Variants in HERPUD2 observed in about 807,000 individuals in gnomAD.
HERPUD2 encodes the protein HERPUD family member 2.
Under a neutral mutation model 49.9 loss-of-function variants are expected in HERPUD2, and 13 were observed. That is an observed-to-expected ratio of 0.26 (90% CI 0.17 to 0.41). HERPUD2 has a LOEUF of 0.41. Among genes scored for constraint, HERPUD2 ranks in the 10% least tolerant of loss-of-function variants. The probability of loss-of-function intolerance (pLI) is 1.00; values close to 1 mark genes in which losing one functional copy is unlikely to be tolerated. For missense variants in HERPUD2, 449 were observed against 492.2 expected, an observed-to-expected ratio of 0.91 and a Z score of 0.83; for synonymous variants, 172 against 171.4, an observed-to-expected ratio of 1.00 and a Z score of -0.03.
chr7:35,648,806 A>C (rs1785103759), intron 5 of HERPUD2, among the ~76,000 whole-genome samples: 1 of 152,226 alleles, frequency 6.6e-6, no homozygotes, highest in African/African-American at 2.4e-5. Context: ...CCAGTGACTA[A>C]AAGATCTGTG....
chr7:35,659,506 A>G (rs910927550), intron 5 of HERPUD2, among the ~76,000 whole-genome samples: 3 of 152,226 alleles, frequency 2.0e-5, no homozygotes, highest in Non-Finnish European at 2.9e-5. Context: ...ACTATGTACC[A>G]GTTACTGTTT....
chr7:35,650,563 G>A (rs749077956), intron 5 of HERPUD2, among the ~76,000 whole-genome samples: 1 of 152,104 alleles, frequency 6.6e-6, no homozygotes, highest in Non-Finnish European at 1.5e-5. Context: ...AAGAACTCCG[G>A]TACCTCACAT....
chr7:35,674,878 A>T (rs1461616026), intron 2 of HERPUD2, among the ~76,000 whole-genome samples: 1 of 151,892 alleles, frequency 6.6e-6, no homozygotes, highest in Non-Finnish European at 1.5e-5. Flanking sequence ...TTCTCCAAGA[A>T]CTCGTCCTAT....
At chr7:35,674,379 CTATATA>C (rs1232272764) in intron 2 of HERPUD2, among the ~76,000 whole-genome samples, 21 of 42,970 alleles carry the variant, frequency 4.9e-4, no homozygotes, top group East Asian at 4.2e-3. Context: ...GTCTTACAAC[CTATATA>C]TATATATATA....
At chr7:35,655,912 G>A (rs1377467614) in intron 5 of HERPUD2, among the ~76,000 whole-genome samples, 1 of 152,208 alleles carries the variant, frequency 6.6e-6, no homozygotes. Context: ...TGTAATCCCA[G>A]CACTTTGGGA....
chr7:35,633,587 C>A lies in HERPUD2; in HGVS notation c.*103G>T. The A allele has an allele frequency of 1.0e-6, 1 of 997,046 alleles. No homozygotes were observed. The highest frequency in any genetic ancestry group is 1.5e-6 in the Non-Finnish European group (1 of 680,604). 61.8% of individuals were successfully genotyped at this position (997,046 alleles called of 1,614,324 possible). On this transcript the variant is annotated 3_prime_UTR_variant, in exon 9 of 9. Coordinates refer to ENST00000311350, the MANE Select transcript of HERPUD2 (RefSeq NM_022373.5). Reference sequence around the variant, plus strand: ...CCTAAAGAAAAAAAACACCTCTGTACATGATGATCAAAAGAAAGTTATAAA... The same window carrying A: ...CCTAAAGAAAAAAAACACCTCTGTAAATGATGATCAAAAGAAAGTTATAAA...
chr7:35,637,160 A>AAGAAAGATAGATAGAT (rs1554311472), intron 6 of HERPUD2, among the ~76,000 whole-genome samples: 246 of 144,176 alleles, frequency 1.7e-3, no homozygotes, highest in Non-Finnish European at 2.6e-3. Context: ...GAAAGAAAGA[A>AAGAAAGATAGATAGAT]AGATAGATAG....
chr7:35,651,672 G>GA (rs1785171653), intron 5 of HERPUD2, among the ~76,000 whole-genome samples: 1 of 151,662 alleles, frequency 6.6e-6, no homozygotes. Flanking sequence ...GAAGAAACAT[G>GA]AAAAAGCAAG....
chr7:35,649,123 C>T (rs866286721), intron 5 of HERPUD2, among the ~76,000 whole-genome samples: 8 of 151,892 alleles, frequency 5.3e-5, no homozygotes, highest in African/African-American at 1.9e-4. Flanking sequence ...TGGTGGCAGG[C>T]GCCTGTAGTC....
chr7:35,690,927 C>T (rs1786169361), intron 2 of HERPUD2, among the ~76,000 whole-genome samples: 1 of 152,174 alleles, frequency 6.6e-6, no homozygotes, highest in South Asian at 2.1e-4. Context: ...TTTCTTGAAA[C>T]AGCTACACAT....
At chr7:35,682,362 T>C (rs1257907721) in intron 2 of HERPUD2, among the ~76,000 whole-genome samples, 1 of 41,908 alleles carries the variant, frequency 2.4e-5, no homozygotes, top group Non-Finnish European at 5.8e-5. Flanking sequence ...TGTGTGTATA[T>C]ATATATATAT....
intron 5 of HERPUD2, among the ~76,000 whole-genome samples, chr7:35,647,578 A>G (rs1320700407): frequency 6.6e-6 from 1 of 152,094 alleles, no homozygotes; most frequent in Non-Finnish European, 1.5e-5. Context: ...TGACCAGAAA[A>G]AAGTTTTGAA....
chr7:35,642,356 T>C (rs1784979445), intron 5 of HERPUD2, among the ~76,000 whole-genome samples: 1 of 152,330 alleles, frequency 6.6e-6, no homozygotes, highest in Admixed American at 6.5e-5. Flanking sequence ...TCTACACTGT[T>C]GGTGGGAGTG....
At chr7:35,662,732 T>C (rs1282952459) in intron 5 of HERPUD2, among the ~76,000 whole-genome samples, 1 of 152,240 alleles carries the variant, frequency 6.6e-6, no homozygotes, top group Non-Finnish European at 1.5e-5. Flanking sequence ...TTTATCATTT[T>C]TTATTGTGTC....
At chr7:35,650,676 A>G (rs1476910953) in intron 5 of HERPUD2, among the ~76,000 whole-genome samples, 1 of 152,158 alleles carries the variant, frequency 6.6e-6, no homozygotes, top group Non-Finnish European at 1.5e-5. Context: ...GAACGGTGCT[A>G]CTGAGCATTT....
intron 2 of HERPUD2, among the ~76,000 whole-genome samples, chr7:35,680,536 G>C (rs2116009850): frequency 6.6e-6 from 1 of 152,244 alleles, no homozygotes; most frequent in East Asian, 1.9e-4. Flanking sequence ...TCTGGCTTCT[G>C]TCTCTCTCCA....
In HERPUD2 at chr7:35,635,304, G is replaced by C; in HGVS notation, c.772C>G (p.Gln258Glu). The C allele has an allele frequency of 6.2e-7, 1 of 1,614,096 alleles. No homozygotes were observed. Among genetic ancestry groups the C allele is most frequent in the South Asian group, 1.1e-5 (1 of 91,072 alleles). ...ACTGGACCTCCCTGTGCATTCATTT[G>C]AACATTCTCATTCATGGGTCGATTT... is the stretch of plus-strand genomic sequence containing the variant. ...QENRPMNENV[Q>E]MNAQGGPVLN... Residue 258 changes from glutamine to glutamate, a missense_variant, in exon 7 of 9, where the codon CAA (glutamine) becomes GAA (glutamate). Physicochemically the swap from Gln to Glu is conservative, Grantham distance 29. Coordinates refer to ENST00000311350, the MANE Select transcript of HERPUD2 (RefSeq NM_022373.5).
chr7:35,673,329 G>T, intron 2 of HERPUD2, 51 bp from the exon 3 acceptor site: 1 of 1,399,192 alleles, frequency 7.1e-7, no homozygotes, highest in South Asian at 1.2e-5. Context: ...TATGCAAATT[G>T]AAGGTTGGGA....
In HERPUD2 at chr7:35,673,212, T is replaced by C. The variant is rs376783164; in HGVS notation, c.214A>G (p.Ile72Val). Residue 72 changes from isoleucine (I) to valine (V), a missense_variant, in exon 3 of 9, where the codon ATT (isoleucine) becomes GTT (valine). Transcript: ENST00000311350. ...GTAGAAAAGCTTACTTTTCTGAGAA[T>C]GTCTTTCAGCTGCAGATGATCGGGA... ...LLPDHLQLKD[I>V]LRKQDEYHMV... is the part of the protein sequence containing the mutation. The C allele has an allele frequency of 8.4e-5, 135 of 1,611,392 alleles. No individual in the cohort carries two copies. The highest frequency in any genetic ancestry group is 1.0e-4 in the Non-Finnish European group (118 of 1,178,546).
Sources: gnomAD v4.1 joint callset for allele counts (sites outside exome capture counted in the v4.1 genomes callset) on GRCh38, gnomAD v4.1.1 for gene constraint, MANE v1.5 for transcripts, NCBI Gene and HGNC (gene_info 2026-07-23, HGNC 2026-07-21) for gene names.